The following PCDHA7 variants were observed in gnomAD, a reference collection of about 807,000 sequenced individuals.
The protein encoded by PCDHA7 is protocadherin alpha-7.
A neutral mutation model predicts 57.2 loss-of-function variants in PCDHA7; 37 were observed. The observed-to-expected ratio is 0.65, with a 90% CI of 0.50 to 0.85. The LOEUF is 0.85. Among genes scored for constraint, PCDHA7 ranks in the 40% least tolerant of loss-of-function variants. The pLI, the probability that PCDHA7 is intolerant of heterozygous loss-of-function variation, is 0.00. For missense variants in PCDHA7, 1,188 were observed against 1,241.8 expected (o/e 0.96, Z 0.65); for synonymous variants, 553 against 558.8 (o/e 0.99, Z 0.15).
At chr5:140,918,548 A>G (rs1360159345) in intron 1 of PCDHA7, among the ~76,000 whole-genome samples, 3 of 152,192 alleles carry the variant, frequency 2.0e-5, no homozygotes, top group Non-Finnish European at 4.4e-5. Context: ...TCCATGTGCA[A>G]TTGAGAAGAA....
At chr5:140,932,059 AT>A (rs2087988463) in intron 1 of PCDHA7, among the ~76,000 whole-genome samples, 1 of 151,936 alleles carries the variant, frequency 6.6e-6, no homozygotes, top group Non-Finnish European at 1.5e-5. Context: ...AATACTAAAA[AT>A]TATCAGTTTA....
chr5:140,937,911 CAA>C (rs200797202), intron 1 of PCDHA7, among the ~76,000 whole-genome samples: 76 of 117,920 alleles, frequency 6.4e-4, no homozygotes, highest in Admixed American at 7.8e-4. Context: ...GACTCCGTCT[CAA>C]AAAAAAAAAA....
intron 1 of PCDHA7, chr5:140,929,115 C>T: frequency 6.2e-7 from 1 of 1,614,136 alleles, no homozygotes. Context: ...CATCAGCCAC[C>T]ATAGATGTCA....
At chr5:140,856,434 C>A in intron 1 of PCDHA7, 2 of 1,598,320 alleles carry the variant, frequency 1.3e-6, no homozygotes, top group Non-Finnish European at 1.7e-6. Flanking sequence ...AACGACAACC[C>A]GCCCAGGTTC....
intron 1 of PCDHA7, chr5:140,857,907 C>G (rs1250345336): frequency 1.3e-6 from 2 of 1,597,680 alleles, no homozygotes. Flanking sequence ...GCACGCATCC[C>G]GTTTCGCGTG....
rs1412547967 is a variant in PCDHA7, at chr5:140,836,507, C to T, written c.2124C>T (p.Ser708=). ...TGATCATCGCCATCTGCGCGGTGTC[C>T]AGTCTGTTGGTGCTTACCCTGCTGC... The part of the protein sequence containing the change: ...VYLIIAICAV[S]SLLVLTLLLY... Residue 708 remains serine, a synonymous_variant, in exon 1 of 4, where the codon TCC becomes TCT. Transcript: ENST00000525929. The T allele has an allele frequency of 1.9e-6, 3 of 1,613,748 alleles. No individual in the cohort carries two copies. The highest frequency in any genetic ancestry group is 2.5e-6 in the Non-Finnish European group (3 of 1,179,874).
Position 140,982,346 on chromosome 5 carries a change from G to T in PCDHA7, c.2415-129G>T, listed in dbSNP as rs1484322650. On this transcript the variant is annotated intron_variant, in intron 2 of 3. Coordinates refer to ENST00000525929, the MANE Select transcript of PCDHA7 (RefSeq NM_018910.3). ...TGACTGCTCAGCAGTAATTGCTTCA[G>T]TTCAAGCATGAGCAGAATGTGTTAG... 2.7e-6 allele frequency: 4 copies of T among 1,492,344 alleles called. No homozygotes were observed. The Admixed American group carries it at 8.5e-5, about 32-fold the overall frequency. The allele number at this position is 1,492,344 out of a possible 1,614,324, so 92.4% of individuals were successfully genotyped here. A position where few individuals can be genotyped will look rare whatever the true frequency, so the allele number is the denominator to read the frequency against.
chr5:140,861,445 G>A (rs1196401790), intron 1 of PCDHA7: 1 of 494,332 alleles, frequency 2.0e-6, no homozygotes, highest in Admixed American at 2.1e-5. Context: ...AAAAGCCGCA[G>A]AAACCTTCTG....
chr5:140,964,252 T>G (rs569615423), intron 1 of PCDHA7, among the ~76,000 whole-genome samples: 6 of 152,332 alleles, frequency 3.9e-5, no homozygotes, highest in African/African-American at 1.2e-4. Flanking sequence ...GGCTTTATAT[T>G]TGACTCCTTA....
At chr5:140,890,718 T>A (rs2062769103) in intron 1 of PCDHA7, among the ~76,000 whole-genome samples, 1 of 152,212 alleles carries the variant, frequency 6.6e-6, no homozygotes, top group Non-Finnish European at 1.5e-5. Context: ...AAAATCTTTT[T>A]AATCCCTTTT....
chr5:140,883,954 T>A (rs2059908896), intron 1 of PCDHA7: 1 of 1,612,680 alleles, frequency 6.2e-7, no homozygotes, highest in Non-Finnish European at 8.5e-7. Flanking sequence ...ACGACAACGC[T>A]CCGGCGCTGC....
At chr5:140,951,420 T>G (rs1212893926) in intron 1 of PCDHA7, among the ~76,000 whole-genome samples, 3 of 151,992 alleles carry the variant, frequency 2.0e-5, no homozygotes, top group African/African-American at 7.2e-5. Flanking sequence ...TGGCTCACAG[T>G]TCCACAGGCT....
chr5:140,927,904 C>T, intron 1 of PCDHA7: 5 of 1,614,202 alleles, frequency 3.1e-6, no homozygotes, highest in Non-Finnish European at 4.2e-6. Flanking sequence ...CGATCATGCC[C>T]CCGAACTGGA....
At chr5:140,926,554 G>A (rs2083344574) in intron 1 of PCDHA7, 1 of 237,224 alleles carries the variant, frequency 4.2e-6, no homozygotes, top group Non-Finnish European at 8.0e-6. Context: ...CGAGACCCCA[G>A]CCCGCTGCTA....
In PCDHA7 at chr5:140,858,087, G is replaced by A. The variant is rs782702941; in HGVS notation, c.2355+21349G>A. On this transcript the variant is annotated intron_variant, in intron 1 of 3. Coordinates refer to ENST00000525929, the MANE Select transcript of PCDHA7 (RefSeq NM_018910.3). Reference sequence around the variant, plus strand: ...AGCCAGGCACCCAAGGCCTCGTCGCGGGCTTCAGTGGGCGTGGCGCCCGAG... The same window carrying A: ...AGCCAGGCACCCAAGGCCTCGTCGCAGGCTTCAGTGGGCGTGGCGCCCGAG... The A allele has an allele frequency of 4.1e-5, 66 of 1,597,710 alleles. 5 individuals carry two copies. Among genetic ancestry groups the A allele is most frequent in the Non-Finnish European group, 5.3e-5 (62 of 1,167,710 alleles).
intron 1 of PCDHA7, chr5:140,929,266 C>T (rs1333907609): frequency 6.2e-7 from 1 of 1,611,352 alleles, no homozygotes; most frequent in Middle Eastern, 1.7e-4. Flanking sequence ...ACTGAATTTG[C>T]CAATATCCTG....
intron 3 of PCDHA7, among the ~76,000 whole-genome samples, chr5:141,002,971 T>C (rs138459473): frequency 6.6e-6 from 1 of 152,274 alleles, no homozygotes; most frequent in African/African-American, 2.4e-5. Flanking sequence ...TTCCTGAAAA[T>C]AGTATCCTTG....
intron 3 of PCDHA7, among the ~76,000 whole-genome samples, chr5:140,997,872 C>G (rs1053678533): frequency 6.6e-6 from 1 of 152,094 alleles, no homozygotes; most frequent in African/African-American, 2.4e-5. Context: ...TGCATGCTTG[C>G]TAGTATTTAT....
intron 1 of PCDHA7, among the ~76,000 whole-genome samples, chr5:140,925,297 A>G (rs572435227): frequency 6.6e-6 from 1 of 152,246 alleles, no homozygotes; most frequent in Non-Finnish European, 1.5e-5. Context: ...ATGTTTCATT[A>G]TTGGGGCTTT....
Sources: allele counts gnomAD v4.1 joint callset (sites outside exome capture counted in the v4.1 genomes callset), GRCh38; gene constraint gnomAD v4.1.1; transcripts MANE v1.5; gene names NCBI Gene and HGNC (gene_info 2026-07-23, HGNC 2026-07-21).